IQSEC3: variants seen among roughly 807,000 people sequenced by gnomAD.
IQSEC3 encodes the protein IQ motif and Sec7 domain ArfGEF 3.
In IQSEC3, 50 loss-of-function variants were observed where a neutral mutation model predicts 105.4. The ratio of observed to expected loss-of-function variants is 0.47; its 90% CI spans 0.38 to 0.60. The LOEUF (loss-of-function observed/expected upper bound fraction) is 0.60, where lower values mean the gene tolerates loss of function less well. Among genes scored for constraint, IQSEC3 ranks in the 20% least tolerant of loss-of-function variants. The pLI, the probability that IQSEC3 is intolerant of heterozygous loss-of-function variation, is 0.00. For missense variants in IQSEC3, 1,415 were observed against 1,630.0 expected (o/e 0.87, Z 2.27); for synonymous variants, 708 against 746.0 (o/e 0.95, Z 0.83).
At chr12:164,625 T>A (rs990259682) in intron 9 of IQSEC3, 3 of 152,226 alleles carry the variant, frequency 2.0e-5, no homozygotes, top group Non-Finnish European at 2.9e-5. Context: ...TTTGGTTTTG[T>A]TTTTTTGCTG....
At position 152,691 on chromosome 12, in the gene IQSEC3, C is replaced by T. The variant is rs71447478; in HGVS notation, c.2154-4334C>T. ...CTCCCCCGACTTGAGTAAGGGACCT[C>T]CCTGCCACCCCACACACACACAGGA... On this transcript the variant is annotated intron_variant, in intron 5 of 13. Transcript: ENST00000538872. This position sits in a 1 kb window ranked among gnomAD's most constrained non-coding sequence, Gnocchi z 4.8. Among the ~76,000 whole-genome samples the T allele has an allele frequency of 6.6e-6, 1 of 152,320 alleles. No individual in the cohort carries two copies.
intron 2 of IQSEC3, chr12:106,886 A>G (rs972090467): frequency 1.3e-5 from 2 of 152,162 alleles, no homozygotes; most frequent in African/African-American, 4.8e-5. Flanking sequence ...ATCTGTTTGT[A>G]TGACAAAAAG....
At chr12:156,459 G>A (rs978379149) in intron 5 of IQSEC3, among the ~76,000 whole-genome samples, 5 of 152,058 alleles carry the variant, frequency 3.3e-5, no homozygotes, top group Admixed American at 3.3e-4. Flanking sequence ...GGCTGGGGCA[G>A]CTGGGGGGAG....
At chr12:80,611 G>A (rs1170671936) in intron 1 of IQSEC3, among the ~76,000 whole-genome samples, 1 of 152,170 alleles carries the variant, frequency 6.6e-6, no homozygotes, top group Non-Finnish European at 1.5e-5. Flanking sequence ...ATTATCTGCT[G>A]TGTGCCAGTT....
intron 13 of IQSEC3, among the ~76,000 whole-genome samples, chr12:173,406 T>C (rs1172334454): frequency 6.6e-6 from 1 of 151,954 alleles, no homozygotes; most frequent in African/African-American, 2.4e-5. Flanking sequence ...CCCCTGGGAG[T>C]GCACAGGTCC....
At chr12:88,023 A>G (rs1315963818) in intron 1 of IQSEC3, among the ~76,000 whole-genome samples, 1 of 152,152 alleles carries the variant, frequency 6.6e-6, no homozygotes, top group Non-Finnish European at 1.5e-5. Flanking sequence ...GGCACGCAGC[A>G]CCTCTCTAAG....
chr12:92,657 A>T (rs1304955319), intron 1 of IQSEC3, among the ~76,000 whole-genome samples: 1 of 152,200 alleles, frequency 6.6e-6, no homozygotes, highest in Non-Finnish European at 1.5e-5. Flanking sequence ...AAGGCCCCGC[A>T]TCTCAGGATT....
intron 5 of IQSEC3, among the ~76,000 whole-genome samples, chr12:150,803 A>G (rs1049511151): frequency 1.3e-5 from 2 of 152,180 alleles, no homozygotes; most frequent in African/African-American, 2.4e-5. Context: ...GTGTCTAGAG[A>G]GCAACGAGGG....
At chr12:160,960 C>G (rs1353617593) in intron 7 of IQSEC3, among the ~76,000 whole-genome samples, 1 of 152,144 alleles carries the variant, frequency 6.6e-6, no homozygotes, top group East Asian at 1.9e-4. Flanking sequence ...CCACCTTGAA[C>G]TGGGGGCATC....
chr12:134,619 C>T (rs1054233517), intron 3 of IQSEC3, among the ~76,000 whole-genome samples: 7 of 152,032 alleles, frequency 4.6e-5, no homozygotes, highest in African/African-American at 7.2e-5. Flanking sequence ...TCTGGCCGGG[C>T]GCAGTGGCCC....
At chr12:68,647 C>T (rs566438741) in intron 1 of IQSEC3, among the ~76,000 whole-genome samples, 1 of 152,394 alleles carries the variant, frequency 6.6e-6, no homozygotes, top group African/African-American at 2.4e-5. Context: ...CTGACCTTGA[C>T]AATGGTGATG....
chr12:165,428 G>A lies in IQSEC3; in HGVS notation c.2710-6G>A, dbSNP rs782696177. On this transcript the variant is annotated splice_polypyrimidine_tract_variant and splice_region_variant and intron_variant, in intron 9 of 13. Coordinates refer to ENST00000538872, the MANE Select transcript of IQSEC3 (RefSeq NM_001170738.2). Reference sequence around the variant, plus strand: ...CAGGGCATGCCTGTTTCCCTCTCCTGAACAGATTCTCAAACTTTGCCCGAA... The same window carrying A: ...CAGGGCATGCCTGTTTCCCTCTCCTAAACAGATTCTCAAACTTTGCCCGAA... 5 of 1,612,492 alleles carry A rather than the reference G, an allele frequency of 3.1e-6. No individual in the cohort carries two copies. The highest frequency in any genetic ancestry group is 1.7e-5 in the Admixed American group (1 of 60,004).
chr12:174,943 A>G lies in IQSEC3; in HGVS notation c.3459A>G (p.Pro1153=). 1 of 554,044 alleles carries G rather than the reference A, an allele frequency of 1.8e-6. No individual in the cohort carries two copies. The highest frequency in any genetic ancestry group is 2.7e-6 in the Non-Finnish European group (1 of 366,034). 34.3% of individuals were successfully genotyped at this position (554,044 alleles called of 1,614,324 possible). ...VTHQPPLPPP[P]PPYNHPHQFC... is the part of the protein sequence containing the mutation. Reference sequence around the variant, plus strand: ...ACCAGCCTCCGCTGCCCCCGCCCCCACCCCCCTACAACCACCCTCACCAGT... The same window carrying G: ...ACCAGCCTCCGCTGCCCCCGCCCCCGCCCCCCTACAACCACCCTCACCAGT... The change falls in exon 14 of 14, where the codon CCA becomes CCG. Residue 1153 remains proline (P), a synonymous_variant. Transcript: ENST00000538872.
At chr12:121,067 C>T (rs1199472528) in intron 2 of IQSEC3, among the ~76,000 whole-genome samples, 2 of 152,174 alleles carry the variant, frequency 1.3e-5, no homozygotes, top group East Asian at 3.9e-4. Context: ...CTGGGAAGGG[C>T]CTTTAAGAAG....
intron 1 of IQSEC3, among the ~76,000 whole-genome samples, chr12:97,985 A>T (rs1864292562): frequency 6.6e-6 from 1 of 152,112 alleles, no homozygotes; most frequent in Non-Finnish European, 1.5e-5. Context: ...CCAGCCATGG[A>T]GATATTCTAC....
intron 2 of IQSEC3, among the ~76,000 whole-genome samples, chr12:121,692 GC>G (rs1475495521): frequency 6.6e-6 from 1 of 152,098 alleles, no homozygotes; most frequent in Non-Finnish European, 1.5e-5. Flanking sequence ...TGACAAGGGG[GC>G]TAAATGTTGA....
chr12:92,414 A>G (rs1371596453), intron 1 of IQSEC3, among the ~76,000 whole-genome samples: 2 of 151,802 alleles, frequency 1.3e-5, no homozygotes, highest in African/African-American at 4.8e-5. Flanking sequence ...TGTGAATGGT[A>G]CCCCCAGACT....
At chr12:129,125 C>CCAT (rs1865508703) in intron 3 of IQSEC3, among the ~76,000 whole-genome samples, 1 of 152,256 alleles carries the variant, frequency 6.6e-6, no homozygotes, top group African/African-American at 2.4e-5. Context: ...TGCCTGTTGC[C>CCAT]TCCTCTGTGC....
chr12:87,636 C>A (rs1361047939), intron 1 of IQSEC3, among the ~76,000 whole-genome samples: 6 of 151,916 alleles, frequency 3.9e-5, no homozygotes, highest in African/African-American at 1.5e-4. Context: ...ACCAGGGGAG[C>A]AGAGTTGTAG....
Sources: allele counts gnomAD v4.1 joint callset (sites outside exome capture counted in the v4.1 genomes callset), GRCh38; gene constraint gnomAD v4.1.1; non-coding constraint Gnocchi (gnomAD v3.1); transcripts MANE v1.5; gene names NCBI Gene and HGNC (gene_info 2026-07-23, HGNC 2026-07-21).